The following RTTN variants were observed in gnomAD, a reference collection of about 807,000 sequenced individuals.
RTTN encodes rotatin.
A neutral mutation model predicts 269.2 loss-of-function variants in RTTN; 182 were observed. The ratio of observed to expected loss-of-function variants is 0.68; its 90% CI spans 0.60 to 0.76. The LOEUF (loss-of-function observed/expected upper bound fraction) is 0.76. RTTN is among the 30% of genes least tolerant of loss of function. RTTN has a pLI of 0.00. For missense variants in RTTN, 2,545 were observed against 2,608.6 expected, an observed-to-expected ratio of 0.98 and a Z score of 0.53; for synonymous variants, 1,006 against 963.5, an observed-to-expected ratio of 1.04 and a Z score of -0.82.
intron 43 of RTTN, among the ~76,000 whole-genome samples, chr18:70,028,150 T>C (rs2056905824): frequency 2.0e-5 from 3 of 152,228 alleles, no homozygotes; most frequent in African/African-American, 7.2e-5. Flanking sequence ...TTCACAAGAT[T>C]ATATCCTCTA....
chr18:70,185,846 A>G (rs143227081), intron 10 of RTTN, among the ~76,000 whole-genome samples: 1 of 152,262 alleles, frequency 6.6e-6, no homozygotes, highest in East Asian at 1.9e-4. Flanking sequence ...CGATCAATAC[A>G]CAAAAATCAA....
intron 32 of RTTN, among the ~76,000 whole-genome samples, chr18:70,082,864 A>T (rs1196177723): frequency 6.6e-6 from 1 of 151,648 alleles, no homozygotes. Context: ...GCCAATTTTT[A>T]AAATTTTTTT....
chr18:70,148,711 G>A lies in RTTN; in HGVS notation c.2309+190C>T, dbSNP rs9807720. Among the ~76,000 whole-genome samples the A allele has an allele frequency of 0.025, 3,835 of 152,294 alleles. 163 individuals carry two copies. The highest frequency in any genetic ancestry group is 0.085 in the African/African-American group (3,550 of 41,536). On this transcript the variant is annotated intron_variant, in intron 17 of 48. Coordinates refer to ENST00000640769, the MANE Select transcript of RTTN (RefSeq NM_173630.4). ...TGGCAAGGAATAACTTGGCTGTAAA[G>A]TGGATGAAACGTCAGCAAGTACATA...
At chr18:70,177,156 C>A (rs1446117283) in intron 10 of RTTN, among the ~76,000 whole-genome samples, 1 of 152,136 alleles carries the variant, frequency 6.6e-6, no homozygotes, top group Non-Finnish European at 1.5e-5. Flanking sequence ...CTCCTAGTTT[C>A]TAGTGCCTAA....
intron 23 of RTTN, chr18:70,130,169 C>T (rs1033854254): frequency 2.6e-5 from 4 of 151,900 alleles, no homozygotes; most frequent in Non-Finnish European, 5.9e-5. Flanking sequence ...AATGCTCACA[C>T]ACTGTTAGTG....
chr18:70,182,735 T>C (rs2061447937), intron 10 of RTTN, among the ~76,000 whole-genome samples: 1 of 152,244 alleles, frequency 6.6e-6, no homozygotes, highest in Non-Finnish European at 1.5e-5. Flanking sequence ...TTAAATATTA[T>C]GTTGTAATAT....
In RTTN at chr18:70,043,884, T is replaced by C. The variant is rs183480350; in HGVS notation, c.5541+4087A>G. 4.6e-5 allele frequency among the ~76,000 whole-genome samples: 7 copies of C among 152,302 alleles called. No homozygotes were observed. The East Asian group carries it at 1.3e-3, about 29-fold the overall frequency. On this transcript the variant is annotated intron_variant, in intron 40 of 48. Coordinates refer to ENST00000640769, the MANE Select transcript of RTTN (RefSeq NM_173630.4). Reference sequence around the variant, plus strand: ...TCTGAGCATCACTGCAAAGAGCAAGTGGACACGACTGGAAGTGTGAGGAGC... The same window carrying C: ...TCTGAGCATCACTGCAAAGAGCAAGCGGACACGACTGGAAGTGTGAGGAGC...
chr18:70,116,175 C>A (rs905134926), intron 26 of RTTN, among the ~76,000 whole-genome samples: 1 of 151,884 alleles, frequency 6.6e-6, no homozygotes, highest in Non-Finnish European at 1.5e-5. Context: ...CTCACATTCA[C>A]GTGCCTTCTG....
chr18:70,166,172 C>T lies in RTTN; in HGVS notation c.1819G>A (p.Ala607Thr), dbSNP rs1263952035. ...ICSKIWKSAQ[A>T]SPLLQGESQK... ...CTTTCTCCTTGTAGTAATGGACTGG[C>T]CTGAGCAGATTTCCAGCTGGTGAAA... Residue 607 changes from alanine to threonine, a missense_variant, in exon 14 of 49, where the codon GCC becomes ACC. Transcript: ENST00000640769. 3 of 1,611,712 alleles carry T rather than the reference C, an allele frequency of 1.9e-6. No homozygotes were observed. In the African/African-American group the frequency reaches 4.0e-5, roughly 22 times the overall value.
At chr18:70,150,188 A>G (rs1250611276) in intron 15 of RTTN, 101 bp from the exon 16 acceptor site, 2 of 690,068 alleles carry the variant, frequency 2.9e-6, no homozygotes, top group East Asian at 5.3e-5. Flanking sequence ...AGATGCTATA[A>G]TTAACATCTC....
rs894612044 is a variant in RTTN at position 70,004,055 on chromosome 18, G to A, written c.*96C>T. On this transcript the variant is annotated 3_prime_UTR_variant, in exon 49 of 49. Transcript: ENST00000640769. ...GGGATCAACACTTTGTAGAGAGGTA[G>A]CACGTCTTCAGGTAACAGCTGCTAC... 6.0e-6 allele frequency: 5 copies of A among 839,536 alleles called. No homozygotes were observed. The highest frequency in any genetic ancestry group is 1.0e-5 in the Non-Finnish European group (5 of 494,932). 52.0% of individuals were successfully genotyped at this position (839,536 alleles called of 1,614,324 possible).
chr18:70,196,666 C>T lies in RTTN; in HGVS notation c.694-18G>A, dbSNP rs189559608. 73 of 1,603,064 alleles carry T rather than the reference C, an allele frequency of 4.6e-5. No individual in the cohort carries two copies. The highest frequency in any genetic ancestry group is 8.1e-5 in the African/African-American group (6 of 73,876). On this transcript the variant is annotated intron_variant, in intron 6 of 48. Coordinates refer to ENST00000640769, the MANE Select transcript of RTTN (RefSeq NM_173630.4). ...AAAAGGCTCTGAAATCAAGAAGAGC[C>T]GTGAAAATTACTAAGGGAACAAAGA...
At chr18:70,060,673 T>C (rs1754106581) in intron 35 of RTTN, among the ~76,000 whole-genome samples, 1 of 152,172 alleles carries the variant, frequency 6.6e-6, no homozygotes, top group Non-Finnish European at 1.5e-5. Flanking sequence ...TAACTATAGT[T>C]ACCCTGTTGT....
At chr18:70,134,324 T>C in intron 23 of RTTN, 149 bp downstream of exon 23, 1 of 638,382 alleles carries the variant, frequency 1.6e-6, no homozygotes, top group South Asian at 1.7e-5. Flanking sequence ...CTTACTGAAA[T>C]CTTCAAAGCA....
At chr18:70,104,477 G>A in intron 28 of RTTN, among the ~76,000 whole-genome samples, 1 of 152,188 alleles carries the variant, frequency 6.6e-6, no homozygotes, top group South Asian at 2.1e-4. Flanking sequence ...CCAATCTTCT[G>A]AAGCCTTCTT....
chr18:70,066,127 A>C (rs2058126936), intron 34 of RTTN, among the ~76,000 whole-genome samples: 1 of 152,198 alleles, frequency 6.6e-6, no homozygotes, highest in Admixed American at 6.5e-5. Context: ...GTTATCATTT[A>C]CATAAATCAG....
intron 14 of RTTN, among the ~76,000 whole-genome samples, chr18:70,163,764 G>A (rs960923285): frequency 2.6e-5 from 4 of 152,130 alleles, no homozygotes; most frequent in South Asian, 2.1e-4. Context: ...ATGCTCCAAC[G>A]TGCATTTCCT....
intron 34 of RTTN, 38 bp from the exon 35 acceptor site, chr18:70,065,960 A>G (rs576330119): frequency 3.5e-6 from 5 of 1,435,214 alleles, no homozygotes; most frequent in African/African-American, 2.8e-5. Flanking sequence ...TTAATGTTAC[A>G]GTACGGAAAA....
intron 39 of RTTN, among the ~76,000 whole-genome samples, chr18:70,049,675 A>T (rs1482071508): frequency 6.6e-6 from 1 of 152,206 alleles, no homozygotes; most frequent in Non-Finnish European, 1.5e-5. Flanking sequence ...TAGGTTGTTT[A>T]AAAAGGTTAC....
Sources: gnomAD v4.1 joint callset for allele counts (sites outside exome capture counted in the v4.1 genomes callset) on GRCh38, gnomAD v4.1.1 for gene constraint, MANE v1.5 for transcripts, NCBI Gene and HGNC (gene_info 2026-07-23, HGNC 2026-07-21) for gene names.